The following MYBPC1 variants were observed in gnomAD, a reference collection of about 807,000 sequenced individuals.
MYBPC1 encodes myosin binding protein C1.
A neutral mutation model predicts 147.1 loss-of-function variants in MYBPC1; 52 were observed. That is an observed-to-expected ratio of 0.35 (90% CI 0.28 to 0.45). The LOEUF is 0.45. Among genes scored for constraint, MYBPC1 ranks in the 20% least tolerant of loss-of-function variants. The pLI is 1.00. For missense variants in MYBPC1, 1,228 were observed against 1,440.3 expected, an observed-to-expected ratio of 0.85 and a Z score of 2.39; for synonymous variants, 477 against 475.9, an observed-to-expected ratio of 1.00 and a Z score of -0.03.
rs987573299 is a variant in MYBPC1, at chr12:101,659,622, G to T, written c.1768-50G>T. 3 of 1,599,880 alleles carry T rather than the reference G, an allele frequency of 1.9e-6. No individual in the cohort carries two copies. The Middle Eastern group carries it at 5.2e-4, about 277-fold the overall frequency. Reference sequence around the variant, plus strand: ...TCAATTTATAGGAGACTCTGAAGTAGCCCTGTTTATTGTGTAAATCATGCC... The same window carrying T: ...TCAATTTATAGGAGACTCTGAAGTATCCCTGTTTATTGTGTAAATCATGCC... On this transcript the variant is annotated intron_variant, in intron 18 of 31. Transcript: ENST00000361466.
rs11417395 is a variant in MYBPC1, at chr12:101,685,811, G to GAA, written c.*264_*265dup. ...TTTTCTTTCCTCCTAATGTTGAAGAGAAAAAAAAAAAAAAAAGTTTGCCCA... is the reference window on the plus strand; with the variant it reads ...TTTTCTTTCCTCCTAATGTTGAAGAGAAAAAAAAAAAAAAAAAAGTTTGCCCA... On this transcript the variant is annotated 3_prime_UTR_variant, in exon 32 of 32. Coordinates refer to ENST00000361466, the MANE Select transcript of MYBPC1 (RefSeq NM_002465.4). 0.031 allele frequency: 11,208 copies of GAA among 357,670 alleles called. 295 individuals carry two copies. Among genetic ancestry groups the GAA allele is most frequent in the East Asian group, 0.18 (3,146 of 17,046 alleles). 22.2% of individuals were successfully genotyped at this position (357,670 alleles called of 1,614,324 possible). A position where few individuals can be genotyped will look rare whatever the true frequency, so the allele number is the denominator to read the frequency against.
chr12:101,625,526 C>A (rs965582993), intron 3 of MYBPC1, among the ~76,000 whole-genome samples: 2 of 152,188 alleles, frequency 1.3e-5, no homozygotes, highest in African/African-American at 4.8e-5. Context: ...GTTTTTCACA[C>A]CAGCATCATC....
intron 3 of MYBPC1, among the ~76,000 whole-genome samples, chr12:101,622,044 T>C (rs1887537054): frequency 6.6e-6 from 1 of 152,222 alleles, no homozygotes; most frequent in Non-Finnish European, 1.5e-5. Context: ...AGGGGGAAGA[T>C]AGCCCTGCTA....
At position 101,642,702 on chromosome 12, in the gene MYBPC1, G is replaced by A. The variant is rs531091374; in HGVS notation, c.832+117G>A. 122 of 1,152,138 alleles carry A rather than the reference G, an allele frequency of 1.1e-4. No individual in the cohort carries two copies. In the African/African-American group the frequency reaches 1.6e-3, roughly 15 times the overall value. The allele number at this position is 1,152,138 out of a possible 1,614,324, so 71.4% of individuals were successfully genotyped here. A position where few individuals can be genotyped will look rare whatever the true frequency, so the allele number is the denominator to read the frequency against. On this transcript the variant is annotated intron_variant, in intron 11 of 31. Coordinates refer to ENST00000361466, the MANE Select transcript of MYBPC1 (RefSeq NM_002465.4). ...TCCCGCGGGGTTGGGAGTGGGGCTG[G>A]GTAGGAGTGCAGGGGTTACGCTTGT...
At chr12:101,630,322 C>A (rs1300847976) in intron 6 of MYBPC1, among the ~76,000 whole-genome samples, 1 of 152,174 alleles carries the variant, frequency 6.6e-6, no homozygotes, top group Non-Finnish European at 1.5e-5. Flanking sequence ...ATTTCAGTAA[C>A]CTTCAGCACA....
At position 101,685,619 on chromosome 12, in the gene MYBPC1, A is replaced by T; in HGVS notation, c.*57A>T. On this transcript the variant is annotated 3_prime_UTR_variant, in exon 32 of 32. Coordinates refer to ENST00000361466, the MANE Select transcript of MYBPC1 (RefSeq NM_002465.4). ...TCTGCAGACTCCTCTTGCAAGGCGT[A>T]CCTCCAAACATAATTGATTCGTATC... The T allele has an allele frequency of 2.0e-6, 3 of 1,534,842 alleles. No homozygotes were observed. Among genetic ancestry groups the T allele is most frequent in the Non-Finnish European group, 2.6e-6 (3 of 1,145,936 alleles).
Position 101,662,526 on chromosome 12 carries a change from C to G in MYBPC1, c.2201C>G (p.Ser734Cys). 1 of 1,614,146 alleles carries G rather than the reference C, an allele frequency of 6.2e-7. No homozygotes were observed. The highest frequency in any genetic ancestry group is 1.3e-5 in the African/African-American group (1 of 75,034). ...GGCATCTCCAAGCCCAGTATGCCCT[C>G]CAGGCCTTTTGTTCCTTTGGGTAAG... ...AIGISKPSMP[S>C]RPFVPLAVTS... The change falls in exon 21 of 32, where the codon TCC becomes TGC. Residue 734 changes from serine (S) to cysteine (C), a missense_variant. Coordinates refer to ENST00000361466, the MANE Select transcript of MYBPC1 (RefSeq NM_002465.4).
chr12:101,688,383 T>C (rs2251172), downstream of MYBPC1, among the ~76,000 whole-genome samples: 79,340 of 151,918 alleles, frequency 0.52, 21,361 homozygotes, highest in Admixed American at 0.6. Context: ...TGCACCACTG[T>C]ACTCCAGCCT....
rs1893899964 is a variant in MYBPC1 at position 101,649,290 on chromosome 12, T to C, written c.1227T>C (p.Gly409=). 2 of 1,613,636 alleles carry C rather than the reference T, an allele frequency of 1.2e-6. No homozygotes were observed. The highest frequency in any genetic ancestry group is 2.7e-5 in the African/African-American group (2 of 74,918). Residue 409 remains glycine, a synonymous_variant, in exon 15 of 32, where the codon GGT becomes GGC. Transcript: ENST00000361466. ...WFKNGEEIIP[G]PKSRYRIRVE... is the part of the protein sequence containing the mutation. ...AGAATGGTGAAGAGATTATCCCTGG[T>C]CCAAAATCAAGATACCGAATTAGAG...
chr12:101,602,585 A>G (rs1459264521), intron 1 of MYBPC1, among the ~76,000 whole-genome samples: 2 of 152,138 alleles, frequency 1.3e-5, no homozygotes, highest in East Asian at 3.8e-4. Flanking sequence ...AAAGCAGTAA[A>G]CTCAGAAATC....
chr12:101,687,296 T>C (rs566108052), downstream of MYBPC1, among the ~76,000 whole-genome samples: 6 of 152,168 alleles, frequency 3.9e-5, no homozygotes, highest in East Asian at 1.2e-3. Context: ...ATTGTTCAGC[T>C]CCCACCTATG....
chr12:101,640,965 A>G (rs1244975260), intron 10 of MYBPC1, among the ~76,000 whole-genome samples: 1 of 152,018 alleles, frequency 6.6e-6, no homozygotes, highest in Non-Finnish European at 1.5e-5. Flanking sequence ...AAATACAAAA[A>G]TTAGCTGGGT....
At chr12:101,609,075 G>A (rs1490881114) in intron 1 of MYBPC1, among the ~76,000 whole-genome samples, 2 of 152,086 alleles carry the variant, frequency 1.3e-5, no homozygotes, top group African/African-American at 4.8e-5. Context: ...AGGAGAAGGA[G>A]AAGGGCCTTG....
In MYBPC1 at chr12:101,675,312, A is replaced by T; in HGVS notation, c.2830A>T (p.Ile944Phe). ...TGTAGACCGTCCAGGTCCACCCCAA[A>T]TTGTGAAGATTGAGGATGTCTGGGG... The part of the protein sequence containing the change: ...QIIDRPGPPQ[I>F]VKIEDVWGEN... Residue 944 changes from isoleucine (I) to phenylalanine (F), a missense_variant, in exon 26 of 32, where the codon ATT becomes TTT. Around this residue, in one of 2 missense-constraint regions of MYBPC1, gnomAD observed 1,077 missense variants for 1,314.2 expected, o/e 0.82. Transcript: ENST00000361466. 7.4e-6 allele frequency: 12 copies of T among 1,614,074 alleles called. No individual in the cohort carries two copies. Among genetic ancestry groups the T allele is most frequent in the Non-Finnish European group, 1.0e-5 (12 of 1,179,966 alleles).
chr12:101,634,818 T>A (rs779376015), intron 9 of MYBPC1, among the ~76,000 whole-genome samples: 2 of 152,230 alleles, frequency 1.3e-5, no homozygotes, highest in Non-Finnish European at 2.9e-5. Context: ...ATGTTCTTGT[T>A]ATAAAGAAGT....
chr12:101,611,621 G>A (rs1484901019), intron 1 of MYBPC1, among the ~76,000 whole-genome samples: 2 of 152,154 alleles, frequency 1.3e-5, no homozygotes, highest in Non-Finnish European at 2.9e-5. Flanking sequence ...TGAGATACCA[G>A]GGAGATAAGA....
chr12:101,683,815 A>G (rs571166397), intron 30 of MYBPC1, among the ~76,000 whole-genome samples: 2 of 152,332 alleles, frequency 1.3e-5, no homozygotes, highest in South Asian at 4.1e-4. Context: ...TTCTTTTTTG[A>G]AAGCTTTGTA....
intron 24 of MYBPC1, among the ~76,000 whole-genome samples, chr12:101,671,325 A>ACACACACACT (rs1898638276): frequency 1.0e-5 from 1 of 97,868 alleles, no homozygotes; most frequent in African/African-American, 3.2e-5. Flanking sequence ...ACACACACAC[A>ACACACACACT]CACACACACA....
chr12:101,673,235 C>G (rs1005435048), intron 24 of MYBPC1, among the ~76,000 whole-genome samples, 192 bp from the exon 25 acceptor site: 1 of 152,138 alleles, frequency 6.6e-6, no homozygotes, highest in Non-Finnish European at 1.5e-5. Flanking sequence ...ATGTTATGTA[C>G]CTAAGGTAGT....
Sources: allele counts gnomAD v4.1 joint callset (sites outside exome capture counted in the v4.1 genomes callset), GRCh38; gene constraint gnomAD v4.1.1; regional missense constraint gnomAD v4.1.1; transcripts MANE v1.5; gene names NCBI Gene and HGNC (gene_info 2026-07-23, HGNC 2026-07-21).